The following LSM14A variants were observed in gnomAD, a reference collection of about 807,000 sequenced individuals.
LSM14A encodes protein LSM14 homolog A.
In LSM14A, 14 loss-of-function variants were observed where a neutral mutation model predicts 52.4. That is an observed-to-expected ratio of 0.27 (90% CI 0.18 to 0.42). The LOEUF (loss-of-function observed/expected upper bound fraction) is 0.42. Among genes scored for constraint, LSM14A ranks in the 10% least tolerant of loss-of-function variants. LSM14A has a pLI of 1.00. For missense variants in LSM14A, 417 were observed against 581.8 expected (o/e 0.72, Z 2.91); for synonymous variants, 185 against 200.3 (o/e 0.92, Z 0.64).
intron 1 of LSM14A, among the ~76,000 whole-genome samples, chr19:34,186,289 C>A (rs1011218400): frequency 3.3e-5 from 5 of 152,200 alleles, no homozygotes; most frequent in Admixed American, 3.3e-4. Context: ...TATGTGCCAA[C>A]TTGACTGGGC....
chr19:34,218,920 C>T (rs936930431), intron 6 of LSM14A, among the ~76,000 whole-genome samples: 1 of 152,034 alleles, frequency 6.6e-6, no homozygotes, highest in Admixed American at 6.6e-5. Context: ...CAATTTGTGC[C>T]GATTAGTGTT....
At chr19:34,216,123 A>T (rs909146809) in intron 6 of LSM14A, among the ~76,000 whole-genome samples, 3 of 152,150 alleles carry the variant, frequency 2.0e-5, no homozygotes, top group Non-Finnish European at 4.4e-5. Flanking sequence ...TTAAAATTTT[A>T]CTTTTCTGGG....
chr19:34,194,454 T>C lies in LSM14A; in HGVS notation c.122-24T>C, dbSNP rs777492530. The C allele has an allele frequency of 3.7e-6, 6 of 1,606,804 alleles. No homozygotes were observed. In the African/African-American group the frequency reaches 4.0e-5, roughly 11 times the overall value. The stretch of plus-strand genomic sequence containing the variant: ...TGAATGTGATGAGTAGTCACACATC[T>C]CATATCCTTTGTTTTCTTGCCAGTT... On this transcript the variant is annotated intron_variant, in intron 1 of 9. Transcript: ENST00000544216.
intron 1 of LSM14A, among the ~76,000 whole-genome samples, chr19:34,176,179 T>C (rs979197959): frequency 6.6e-6 from 1 of 152,238 alleles, no homozygotes; most frequent in Non-Finnish European, 1.5e-5. Context: ...ATGGAATTTA[T>C]AATACAGTGT....
At position 34,228,226 on chromosome 19, in the gene LSM14A, T is replaced by C. The variant is rs1174544692; in HGVS notation, c.*838T>C. ...GTTTGGAACATAAATGAAGATTTGA[T>C]ACATTATTTCATTATCTAAAAAGGA... On this transcript the variant is annotated 3_prime_UTR_variant, in exon 10 of 10. Transcript: ENST00000544216. 1.3e-5 allele frequency: 2 copies of C among 152,658 alleles called. No homozygotes were observed. Among genetic ancestry groups the C allele is most frequent in the Non-Finnish European group, 2.9e-5 (2 of 68,034 alleles). 9.5% of individuals were successfully genotyped at this position (152,658 alleles called of 1,614,324 possible). A position where few individuals can be genotyped will look rare whatever the true frequency, so the allele number is the denominator to read the frequency against.
intron 1 of LSM14A, among the ~76,000 whole-genome samples, chr19:34,182,602 C>T (rs1323571899): frequency 6.6e-6 from 1 of 151,082 alleles, no homozygotes; most frequent in Non-Finnish European, 1.5e-5. Context: ...CTTTGGGAGG[C>T]CAAGGCGGGC....
intron 5 of LSM14A, 100 bp from the exon 6 acceptor site, chr19:34,215,496 G>A (rs2072511338): frequency 8.3e-7 from 1 of 1,200,042 alleles, no homozygotes; most frequent in African/African-American, 1.5e-5. Flanking sequence ...CACAGGCTTT[G>A]TTTTGGGTTT....
rs181820603 is a variant in LSM14A at position 34,227,346 on chromosome 19, A to T, written c.1369-19A>T. 32,673 of 1,549,786 alleles carry T rather than the reference A, an allele frequency of 0.021. 369 individuals carry two copies. Among genetic ancestry groups the T allele is most frequent in the Middle Eastern group, 0.029 (171 of 5,902 alleles). On this transcript the variant is annotated intron_variant, in intron 9 of 9. Transcript: ENST00000544216. The stretch of plus-strand genomic sequence containing the variant: ...ACCAATAATTTGGAACATGAGCTAA[A>T]TTTTTTTTTCTTTTTTAGAAAGACA...
chr19:34,219,783 G>C lies in LSM14A; in HGVS notation c.1042G>C (p.Glu348Gln). 1 of 1,613,730 alleles carries C rather than the reference G, an allele frequency of 6.2e-7. No homozygotes were observed. Among genetic ancestry groups the C allele is most frequent in the South Asian group, 1.1e-5 (1 of 91,072 alleles). ...CTCAGGAGTTGATACCCAAAACAGT[G>C]AAGGAAATGCCGATGAAGAAGATCC... ...GDSGVDTQNS[E>Q]GNADEEDPLG... Residue 348 changes from glutamate to glutamine, a missense_variant, in exon 8 of 10, where the codon GAA becomes CAA. This residue lies in a region of LSM14A where 357 missense variants were observed against 457.0 expected (regional missense o/e 0.78). Transcript: ENST00000544216.
intron 8 of LSM14A, 69 bp from the exon 9 acceptor site, chr19:34,221,438 A>G: frequency 6.7e-7 from 1 of 1,494,082 alleles, no homozygotes. Flanking sequence ...TGGGAGTAGC[A>G]CTGCATATTT....
At chr19:34,181,392 G>C (rs1485083899) in intron 1 of LSM14A, among the ~76,000 whole-genome samples, 1 of 152,106 alleles carries the variant, frequency 6.6e-6, no homozygotes, top group East Asian at 1.9e-4. Flanking sequence ...TACACCACTG[G>C]TGTTCATTCA....
chr19:34,217,445 T>C (rs1195030745), intron 6 of LSM14A, among the ~76,000 whole-genome samples: 1 of 151,554 alleles, frequency 6.6e-6, no homozygotes, highest in Non-Finnish European at 1.5e-5. Context: ...AAATAAATTA[T>C]AATTTTACAA....
At chr19:34,172,915 G>A in intron 1 of LSM14A, 152 bp downstream of exon 1, 1 of 971,112 alleles carries the variant, frequency 1.0e-6, no homozygotes, top group South Asian at 2.3e-5. Flanking sequence ...GGCGTCGCGG[G>A]CCGGACCGCG....
At chr19:34,192,632 C>CAAAAAAAAAAAAAAA (rs548374017) in intron 1 of LSM14A, among the ~76,000 whole-genome samples, 3 of 76,952 alleles carry the variant, frequency 3.9e-5, no homozygotes, top group Non-Finnish European at 7.1e-5. Context: ...ATCAGTTCTG[C>CAAAAAAAAAAAAAAA]AAAAAAAAAA....
intron 4 of LSM14A, among the ~76,000 whole-genome samples, chr19:34,211,147 A>G (rs545348568): frequency 1.3e-5 from 2 of 151,802 alleles, no homozygotes; most frequent in Admixed American, 6.5e-5. Context: ...TCTCTACTAA[A>G]AATACAAAAA....
intron 4 of LSM14A, among the ~76,000 whole-genome samples, 187 bp from the exon 5 acceptor site, chr19:34,214,937 A>C (rs1161070586): frequency 1.4e-5 from 2 of 146,028 alleles, no homozygotes; most frequent in African/African-American, 5.1e-5. Context: ...ATTATTTTTT[A>C]TTTTTAACCT....
chr19:34,214,694 C>T lies in LSM14A; in HGVS notation c.539-430C>T, dbSNP rs76278863. Among the ~76,000 whole-genome samples the T allele has an allele frequency of 3.9e-4, 60 of 152,192 alleles. 2 individuals are homozygous for T. The East Asian group carries it at 0.012, about 29-fold the overall frequency. On this transcript the variant is annotated intron_variant, in intron 4 of 9. Coordinates refer to ENST00000544216, the MANE Select transcript of LSM14A (RefSeq NM_015578.4). ...TTGTTTTAGTCATCTACAGAAAGTA[C>T]TAAGAAAGATTAAAACAAGTCACCA... is the stretch of plus-strand genomic sequence containing the variant.
intron 8 of LSM14A, 97 bp from the exon 9 acceptor site, chr19:34,221,410 A>G: frequency 7.7e-7 from 1 of 1,306,100 alleles, no homozygotes; most frequent in Non-Finnish European, 1.1e-6. Flanking sequence ...TAGCTTTAGT[A>G]ATTACTTAGG....
At chr19:34,196,892 A>G (rs1338890310) in intron 3 of LSM14A, 129 bp downstream of exon 3, 2 of 775,906 alleles carry the variant, frequency 2.6e-6, no homozygotes, top group East Asian at 5.8e-5. Context: ...GTTTTATGGT[A>G]TTCAGAACAC....
Sources: allele counts gnomAD v4.1 joint callset (sites outside exome capture counted in the v4.1 genomes callset), GRCh38; gene constraint gnomAD v4.1.1; regional missense constraint gnomAD v4.1.1; transcripts MANE v1.5; gene names NCBI Gene and HGNC (gene_info 2026-07-23, HGNC 2026-07-21).